Variants in CHLSN observed in about 807,000 individuals in gnomAD.
The protein encoded by CHLSN is protein cholesin.
chr7:1,059,735 G>A, the CHLSN span, among the ~76,000 whole-genome samples: 16 of 141,650 alleles, frequency 1.1e-4, no homozygotes, highest in African/African-American at 3.5e-4. Context: ...GGTCTTAGGG[G>A]GGCGGGTCCG....
the CHLSN span, among the ~76,000 whole-genome samples, chr7:1,047,774 G>A: frequency 1.3e-5 from 2 of 152,202 alleles, no homozygotes; most frequent in African/African-American, 4.8e-5. Context: ...AGGCTCTAAA[G>A]CTTCAACAAC....
chr7:1,042,570 G>A, the CHLSN span, among the ~76,000 whole-genome samples: 3 of 152,200 alleles, frequency 2.0e-5, no homozygotes, highest in Non-Finnish European at 4.4e-5. Flanking sequence ...GGACACACAC[G>A]AGCTTTCTGC....
the CHLSN span, chr7:1,025,628 G>A: frequency 2.6e-5 from 4 of 152,268 alleles, no homozygotes; most frequent in Non-Finnish European, 5.9e-5. Context: ...AAGAGGTTGG[G>A]GGTGTGATAC....
chr7:1,038,537 T>G, the CHLSN span, among the ~76,000 whole-genome samples: 4 of 83,904 alleles, frequency 4.8e-5, no homozygotes, highest in Admixed American at 1.1e-4. Context: ...GGTGGGGGGG[T>G]CAGCCCTCCG....
At chr7:1,122,010 T>C in the CHLSN span, among the ~76,000 whole-genome samples, 106,440 of 152,032 alleles carry the variant, frequency 0.7, 38,681 homozygotes, top group African/African-American at 0.89. Flanking sequence ...CACGGCACCT[T>C]GACACATGGA....
chr7:1,002,734 A>ATCCTGTGGGTGGGGAG, the CHLSN span, among the ~76,000 whole-genome samples: 1 of 45,934 alleles, frequency 2.2e-5, no homozygotes, highest in Non-Finnish European at 3.8e-5. Flanking sequence ...GGTGAGTGGA[A>ATCCTGTGGGTGGGGAG]TCCTGTGGGT....
At chr7:1,132,496 C>G in the CHLSN span, among the ~76,000 whole-genome samples, 1 of 152,114 alleles carries the variant, frequency 6.6e-6, no homozygotes, top group East Asian at 1.9e-4. Context: ...AGTTCAAGAC[C>G]AGCCTGGGCA....
At chr7:1,100,927 C>T in the CHLSN span, among the ~76,000 whole-genome samples, 1 of 152,228 alleles carries the variant, frequency 6.6e-6, no homozygotes, top group Non-Finnish European at 1.5e-5. Flanking sequence ...GACGCAGGCA[C>T]AGAGCCCCGT....
chr7:1,041,830 G>A, the CHLSN span, among the ~76,000 whole-genome samples: 1 of 151,404 alleles, frequency 6.6e-6, no homozygotes, highest in African/African-American at 2.4e-5. Flanking sequence ...CGTGCAGACA[G>A]ACCCAGGCCA....
the CHLSN span, among the ~76,000 whole-genome samples, chr7:1,101,528 G>A: frequency 4.6e-5 from 7 of 152,214 alleles, no homozygotes; most frequent in East Asian, 1.9e-4. Context: ...TCCTGCTCCC[G>A]CCCCTTCCCC....
chr7:1,033,149 A>G, the CHLSN span, among the ~76,000 whole-genome samples: 20 of 152,212 alleles, frequency 1.3e-4, no homozygotes, highest in Admixed American at 5.9e-4. Flanking sequence ...ACTACGGACT[A>G]ATATCCCTCA....
At chr7:1,010,195 G>A in the CHLSN span, 39 of 1,524,772 alleles carry the variant, frequency 2.6e-5, no homozygotes, top group East Asian at 1.6e-4. Context: ...ATCCAGAGAC[G>A]GGTGCGCTGC....
the CHLSN span, among the ~76,000 whole-genome samples, chr7:1,036,372 G>A: frequency 3.3e-5 from 5 of 150,558 alleles, no homozygotes; most frequent in Non-Finnish European, 5.9e-5. Flanking sequence ...TGGTGTGGCC[G>A]TGCAGGGCTC....
At chr7:1,117,809 G>A in the CHLSN span, among the ~76,000 whole-genome samples, 1 of 152,068 alleles carries the variant, frequency 6.6e-6, no homozygotes. Context: ...CGGCTCTACC[G>A]ACCAGCTTCC....
the CHLSN span, among the ~76,000 whole-genome samples, chr7:1,011,722 G>A: frequency 0.16 from 24,001 of 148,942 alleles, 2,043 homozygotes; most frequent in Admixed American, 0.23. Flanking sequence ...ACCCACACAC[G>A]CCCACAGACA....
At chr7:1,048,792 G>T in the CHLSN span, among the ~76,000 whole-genome samples, 2 of 152,176 alleles carry the variant, frequency 1.3e-5, no homozygotes. Flanking sequence ...GCCGCACATG[G>T]GCTCCAGACA....
the CHLSN span, chr7:1,023,002 G>C: frequency 6.5e-6 from 3 of 464,796 alleles, no homozygotes; most frequent in South Asian, 1.5e-5. The surrounding 1 kb of genome is among the most constrained non-coding windows in gnomAD (Gnocchi z 5.0). Context: ...TGAGCTCCTG[G>C]AGGACAGGGA....
At chr7:1,099,929 C>T in the CHLSN span, among the ~76,000 whole-genome samples, 31 of 152,310 alleles carry the variant, frequency 2.0e-4, no homozygotes, top group Admixed American at 4.6e-4. Context: ...TGAGTAATAC[C>T]GTGCGGCAGA....
At chr7:997,921 G>A in the CHLSN span, 6 of 950,554 alleles carry the variant, frequency 6.3e-6, no homozygotes, top group Non-Finnish European at 9.6e-6. Context: ...TCCTCCCACT[G>A]CGGCCCGAGG....
Sources: allele counts gnomAD v4.1 joint callset (sites outside exome capture counted in the v4.1 genomes callset), GRCh38; gene constraint gnomAD v4.1.1; non-coding constraint Gnocchi (gnomAD v3.1); transcripts MANE v1.5; gene names NCBI Gene and HGNC (gene_info 2026-07-23, HGNC 2026-07-21).